CEP164: variants seen among roughly 807,000 people sequenced by gnomAD.
CEP164 encodes the protein centrosomal protein of 164 kDa.
CEP164 carries 162 observed loss-of-function variants against 182.7 expected under a neutral mutation model. That is an observed-to-expected ratio of 0.89 (90% CI 0.78 to 1.01). CEP164 has a LOEUF of 1.01. CEP164 is among the 50% of genes least tolerant of loss of function. CEP164 has a pLI of 0.00. For synonymous variants in CEP164, 661 were observed against 690.0 expected, an observed-to-expected ratio of 0.96 and a Z score of 0.66; for missense variants, 1,735 against 1,790.4, an observed-to-expected ratio of 0.97 and a Z score of 0.56.
intron 17 of CEP164, among the ~76,000 whole-genome samples, chr11:117,391,557 G>A (rs186390311): frequency 2.0e-5 from 3 of 152,148 alleles, no homozygotes; most frequent in East Asian, 3.9e-4. Context: ...GAGAAAGTTC[G>A]TGACTGAAAG....
Position 117,354,103 on chromosome 11 carries a change from G to A in CEP164, c.393+2115G>A, listed in dbSNP as rs1247842942. Among the ~76,000 whole-genome samples the A allele has an allele frequency of 4.6e-5, 7 of 151,128 alleles. No individual in the cohort carries two copies. The South Asian group carries it at 6.3e-4, about 14-fold the overall frequency. On this transcript the variant is annotated intron_variant, in intron 5 of 32. Coordinates refer to ENST00000278935, the MANE Select transcript of CEP164 (RefSeq NM_014956.5). ...ACGATCTTGGATCACTGCAACCTCC[G>A]CCCCCTGGGTTCAAGCAATTCTCGT...
intron 5 of CEP164, among the ~76,000 whole-genome samples, chr11:117,356,923 G>A (rs1044194145): frequency 1.3e-5 from 2 of 152,178 alleles, no homozygotes; most frequent in African/African-American, 2.4e-5. Context: ...GCAGAACGTC[G>A]CTAATCCTGG....
Position 117,382,807 on chromosome 11 carries a change from C to T in CEP164, c.1589C>T (p.Pro530Leu), listed in dbSNP as rs918979334. 2 of 1,613,952 alleles carry T rather than the reference C, an allele frequency of 1.2e-6. No individual in the cohort carries two copies. The highest frequency in any genetic ancestry group is 1.3e-5 in the African/African-American group (1 of 74,934). The change falls in exon 14 of 33, where the codon CCA becomes CTA. Residue 530 changes from proline to leucine, a missense_variant. By Grantham distance (98) the Pro-to-Leu change is moderately conservative (BLOSUM62 -3). Coordinates refer to ENST00000278935, the MANE Select transcript of CEP164 (RefSeq NM_014956.5). Reference sequence around the variant, plus strand: ...TTACTGCTATCAAGGGAGCAGGCCCCAAGCCCACCTGCTGCCTGTGAGAAG... The same window carrying T: ...TTACTGCTATCAAGGGAGCAGGCCCTAAGCCCACCTGCTGCCTGTGAGAAG... Reference protein sequence around the residue: ...LQLSLQREQAPSPPAACEKGK... With the variant: ...LQLSLQREQALSPPAACEKGK...
intron 3 of CEP164, among the ~76,000 whole-genome samples, chr11:117,342,954 G>A (rs1251952495): frequency 1.3e-5 from 2 of 152,002 alleles, no homozygotes; most frequent in Admixed American, 1.3e-4. Context: ...CAGGCTCATT[G>A]CTGGCTGTCT....
At chr11:117,340,903 G>A (rs915167078) in intron 3 of CEP164, among the ~76,000 whole-genome samples, 4 of 152,212 alleles carry the variant, frequency 2.6e-5, no homozygotes, top group Admixed American at 6.5e-5. Flanking sequence ...GCGTGAGCTC[G>A]GCTCGCTGCA....
In CEP164 at chr11:117,362,012, G is replaced by A. The variant is rs756643754; in HGVS notation, c.552+19G>A. On this transcript the variant is annotated intron_variant, in intron 6 of 32. Transcript: ENST00000278935. Reference sequence around the variant, plus strand: ...CATGCTGGTAAGTACGTTCTCTTGCGTTCAGTGTCTGTAGTTCCTGTGGGG... The same window carrying A: ...CATGCTGGTAAGTACGTTCTCTTGCATTCAGTGTCTGTAGTTCCTGTGGGG... The A allele has an allele frequency of 2.1e-5, 32 of 1,541,054 alleles. No homozygotes were observed. The highest frequency in any genetic ancestry group is 7.8e-5 in the South Asian group (6 of 77,282).
chr11:117,359,599 T>C, intron 5 of CEP164: 1 of 985,336 alleles, frequency 1.0e-6, no homozygotes. Context: ...CCTGACCGCC[T>C]CTGGGTTTCC....
intron 13 of CEP164, among the ~76,000 whole-genome samples, chr11:117,382,381 A>AG (rs1252638972): frequency 6.6e-6 from 1 of 152,158 alleles, no homozygotes; most frequent in Non-Finnish European, 1.5e-5. Flanking sequence ...GGTCCAGCTG[A>AG]GAGGACCTTT....
At chr11:117,349,212 G>A (rs1430928345) in intron 4 of CEP164, among the ~76,000 whole-genome samples, 5 of 151,934 alleles carry the variant, frequency 3.3e-5, no homozygotes, top group African/African-American at 9.7e-5. Context: ...TAGTAGAGAC[G>A]AGGTTTCACC....
intron 15 of CEP164, among the ~76,000 whole-genome samples, chr11:117,390,435 C>T (rs2044488074): frequency 6.6e-6 from 1 of 151,810 alleles, no homozygotes; most frequent in Non-Finnish European, 1.5e-5. Flanking sequence ...ATCACTTGAG[C>T]CTAGGAGTTC....
At chr11:117,322,390 A>G in intron 1 of CEP164, among the ~76,000 whole-genome samples, 1 of 152,182 alleles carries the variant, frequency 6.6e-6, no homozygotes, top group South Asian at 2.1e-4. Flanking sequence ...CTGGATTTAT[A>G]GGCGTGAGCC....
intron 24 of CEP164, 31 bp from the exon 25 acceptor site, chr11:117,396,023 C>T (rs1565595543): frequency 1.9e-6 from 3 of 1,613,696 alleles, no homozygotes; most frequent in Non-Finnish European, 2.5e-6. Context: ...CCAGCCGCTG[C>T]CCTGCCTCTC....
In CEP164 at chr11:117,353,946, G is replaced by A. The variant is rs184268058; in HGVS notation, c.393+1958G>A. On this transcript the variant is annotated intron_variant, in intron 5 of 32. Coordinates refer to ENST00000278935, the MANE Select transcript of CEP164 (RefSeq NM_014956.5). The stretch of plus-strand genomic sequence containing the variant: ...GGTCATTTGTTATGCTTCTCTTCGC[G>A]CCCTGTTAAAAAATTTCCGGGTGTC... 6.6e-5 allele frequency among the ~76,000 whole-genome samples: 10 copies of A among 152,024 alleles called. No homozygotes were observed. In the East Asian group the frequency reaches 1.2e-3, roughly 18 times the overall value.
intron 5 of CEP164, among the ~76,000 whole-genome samples, chr11:117,358,682 C>T (rs1844355275): frequency 6.6e-6 from 1 of 151,916 alleles, no homozygotes; most frequent in Non-Finnish European, 1.5e-5. Context: ...AGATGTGTAC[C>T]ACTATACCCA....
intron 3 of CEP164, among the ~76,000 whole-genome samples, chr11:117,340,688 TTAAAA>T (rs2037976159): frequency 6.6e-6 from 1 of 152,124 alleles, no homozygotes; most frequent in South Asian, 2.1e-4. Context: ...GTCTGGCTAA[TTAAAA>T]TAAATTTTTT....
chr11:117,341,271 T>C (rs1244372936), intron 3 of CEP164, among the ~76,000 whole-genome samples: 1 of 152,226 alleles, frequency 6.6e-6, no homozygotes, highest in East Asian at 1.9e-4. Context: ...TTTCTCTTCC[T>C]GGGCTATCTC....
At position 117,321,947 on chromosome 11, in the gene CEP164, C is replaced by T. The variant is rs567980268; in HGVS notation, c.-98+7219C>T. 8.5e-4 allele frequency among the ~76,000 whole-genome samples: 129 copies of T among 152,176 alleles called. 1 individual carries two copies. The highest frequency in any genetic ancestry group is 3.0e-3 in the African/African-American group (126 of 41,504). ...TCCAGGCCTCAAAGGATCTTCCTGC[C>T]CCGGCCTCTCAAAGTGTTGGGATTA... is the stretch of plus-strand genomic sequence containing the variant. On this transcript the variant is annotated intron_variant, in intron 1 of 4. Transcript: ENST00000525734.
At chr11:117,342,356 T>C (rs964029264) in intron 3 of CEP164, among the ~76,000 whole-genome samples, 6 of 152,264 alleles carry the variant, frequency 3.9e-5, no homozygotes, top group African/African-American at 9.6e-5. Flanking sequence ...GTGATGCCCT[T>C]CTGGCCTGGG....
rs141851369 is a variant in CEP164, at chr11:117,366,587, G to A, written c.765+3081G>A. Among the ~76,000 whole-genome samples the A allele has an allele frequency of 7.3e-3, 1,116 of 152,318 alleles. 14 individuals are homozygous for A. Among genetic ancestry groups the A allele is most frequent in the African/African-American group, 0.025 (1,059 of 41,560 alleles). ...TGAAAAGCCCATCAGTGGATCAAAGGAGCAGGAGGGAGCCTGGGCTTAGAA... is the reference window on the plus strand; with the variant it reads ...TGAAAAGCCCATCAGTGGATCAAAGAAGCAGGAGGGAGCCTGGGCTTAGAA... On this transcript the variant is annotated intron_variant, in intron 8 of 32. Coordinates refer to ENST00000278935, the MANE Select transcript of CEP164 (RefSeq NM_014956.5).
Sources: allele counts gnomAD v4.1 joint callset (sites outside exome capture counted in the v4.1 genomes callset), GRCh38; gene constraint gnomAD v4.1.1; transcripts MANE v1.5; gene names NCBI Gene and HGNC (gene_info 2026-07-23, HGNC 2026-07-21).